GABBR2: variants seen among roughly 807,000 people sequenced by gnomAD.
The protein encoded by GABBR2 is gamma-aminobutyric acid type B receptor subunit 2.
Under a neutral mutation model 105.6 loss-of-function variants are expected in GABBR2, and 23 were observed. The ratio of observed to expected loss-of-function variants is 0.22; its 90% CI spans 0.16 to 0.31. The LOEUF is 0.31. Ranked by LOEUF, GABBR2 falls within the 10% of genes least tolerant of loss-of-function variation. The probability of loss-of-function intolerance (pLI) is 1.00; values close to 1 mark genes in which losing one functional copy is unlikely to be tolerated. For synonymous variants in GABBR2, 478 were observed against 499.7 expected, an observed-to-expected ratio of 0.96 and a Z score of 0.58; for missense variants, 734 against 1,245.5, an observed-to-expected ratio of 0.59 and a Z score of 6.18.
chr9:98,583,518 C>G lies in GABBR2; in HGVS notation c.322-5446G>C, dbSNP rs578065420. Among the ~76,000 whole-genome samples the G allele has an allele frequency of 7.2e-5, 11 of 152,292 alleles. No homozygotes were observed. The South Asian group carries it at 2.3e-3, about 32-fold the overall frequency. ...TTAAAGCAGGCTTCATTGCTAGCAG[C>G]AAAAATGTTTGAAAACCACCAATAT... On this transcript the variant is annotated intron_variant, in intron 1 of 18. Coordinates refer to ENST00000259455, the MANE Select transcript of GABBR2 (RefSeq NM_005458.8).
At chr9:98,484,903 C>T (rs1827010560) in intron 4 of GABBR2, among the ~76,000 whole-genome samples, 1 of 152,124 alleles carries the variant, frequency 6.6e-6, no homozygotes, top group Admixed American at 6.5e-5. Flanking sequence ...TAGCAGTAGC[C>T]CCTGCTTTCA....
intron 7 of GABBR2, among the ~76,000 whole-genome samples, chr9:98,444,879 G>GCGCGCGCACACACA (rs939018102): frequency 6.6e-6 from 1 of 150,932 alleles, no homozygotes; most frequent in Non-Finnish European, 1.5e-5. Context: ...GCGCGCGCGC[G>GCGCGCGCACACACA]CACACACACA....
intron 2 of GABBR2, among the ~76,000 whole-genome samples, chr9:98,552,403 T>C (rs1278693084): frequency 6.6e-6 from 1 of 152,156 alleles, no homozygotes; most frequent in Non-Finnish European, 1.5e-5. Context: ...CTGAGATGAA[T>C]GGAACGCAAC....
At chr9:98,585,679 A>C (rs964043122) in intron 1 of GABBR2, among the ~76,000 whole-genome samples, 4 of 152,142 alleles carry the variant, frequency 2.6e-5, no homozygotes, top group Admixed American at 6.5e-5. Flanking sequence ...TGTTAGGCAC[A>C]GTACTAAGAA....
At chr9:98,568,891 G>A (rs1828786352) in intron 2 of GABBR2, among the ~76,000 whole-genome samples, 1 of 152,124 alleles carries the variant, frequency 6.6e-6, no homozygotes, top group Admixed American at 6.5e-5. Context: ...TGACTGCACT[G>A]GGCATCTGAT....
intron 3 of GABBR2, among the ~76,000 whole-genome samples, chr9:98,505,447 TGTGTG>T (rs1827490285): frequency 1.3e-5 from 2 of 151,742 alleles, no homozygotes; most frequent in African/African-American, 2.4e-5. Context: ...TGTGTGTGTG[TGTGTG>T]TGTGTGCATG....
rs575335567 is a variant in GABBR2 at position 98,504,369 on chromosome 9, A to G, written c.631-7855T>C. Among the ~76,000 whole-genome samples, 68 of 152,326 alleles carry G rather than the reference A, an allele frequency of 4.5e-4. 3 individuals carry two copies. The South Asian group carries it at 0.014, about 31-fold the overall frequency. The stretch of plus-strand genomic sequence containing the variant: ...GTGGCTGGAGGCTGCAGAGAGCTCC[A>G]GAGATCTCAAGGCACTCAGCTTCTA... On this transcript the variant is annotated intron_variant, in intron 3 of 18. Coordinates refer to ENST00000259455, the MANE Select transcript of GABBR2 (RefSeq NM_005458.8).
intron 2 of GABBR2, among the ~76,000 whole-genome samples, chr9:98,564,975 G>T (rs1300063930): frequency 6.6e-6 from 1 of 152,186 alleles, no homozygotes; most frequent in Non-Finnish European, 1.5e-5. Flanking sequence ...AGCCGGGGAG[G>T]AGGGGGAGCA....
intron 7 of GABBR2, 112 bp from the exon 8 acceptor site, chr9:98,406,253 T>C (rs1215874827): frequency 1.7e-6 from 1 of 586,096 alleles, no homozygotes; most frequent in African/African-American, 2.0e-5. Context: ...TTATTAATAC[T>C]GGAGGAAAAA....
intron 7 of GABBR2, among the ~76,000 whole-genome samples, chr9:98,425,688 C>T (rs1354759288): frequency 6.6e-6 from 1 of 152,186 alleles, no homozygotes; most frequent in African/African-American, 2.4e-5. Context: ...AAAAATGAGG[C>T]TCAGACAGGT....
At chr9:98,559,536 T>A (rs149686305) in intron 2 of GABBR2, among the ~76,000 whole-genome samples, 1,660 of 152,330 alleles carry the variant, frequency 0.011, 15 homozygotes, top group Non-Finnish European at 0.015. Flanking sequence ...CACAAAGAGA[T>A]TTATTTATTC....
At chr9:98,576,062 C>A (rs1238974644) in intron 2 of GABBR2, among the ~76,000 whole-genome samples, 1 of 152,230 alleles carries the variant, frequency 6.6e-6, no homozygotes, top group Non-Finnish European at 1.5e-5. Context: ...CCGGGCCCCA[C>A]CTCTCTTTCA....
intron 2 of GABBR2, among the ~76,000 whole-genome samples, chr9:98,575,127 C>G (rs1244755492): frequency 6.6e-6 from 1 of 151,984 alleles, no homozygotes; most frequent in African/African-American, 2.4e-5. Flanking sequence ...GAGAGACAGG[C>G]AGAGTGGAGT....
At chr9:98,644,138 C>T (rs1414754673) in intron 1 of GABBR2, among the ~76,000 whole-genome samples, 1 of 152,192 alleles carries the variant, frequency 6.6e-6, no homozygotes, top group Non-Finnish European at 1.5e-5. Context: ...TTCACATTGC[C>T]CAACACACAG....
At chr9:98,659,123 C>T (rs1461603973) in intron 1 of GABBR2, among the ~76,000 whole-genome samples, 1 of 152,236 alleles carries the variant, frequency 6.6e-6, no homozygotes, top group African/African-American at 2.4e-5. Context: ...TGAAACAGAT[C>T]CTGTATATAT....
rs200465595 is a variant in GABBR2, at chr9:98,311,110, G to A, written c.1989C>T (p.Tyr663=). The A allele has an allele frequency of 3.0e-5, 48 of 1,595,584 alleles. No individual in the cohort carries two copies. Among genetic ancestry groups the A allele is most frequent in the Non-Finnish European group, 3.4e-6 (4 of 1,163,256 alleles). Residue 663 remains tyrosine, a synonymous_variant, in exon 14 of 19, where the codon TAC becomes TAT. Transcript: ENST00000259455. ...CTGCACCTACCATGAGAAGTCCCTT[G>A]TAGGCATAGACGATGCCAAGCCAGA... ...MTIWLGIVYA[Y]KGLLMLFGCF...
At chr9:98,439,480 T>C (rs988776608) in intron 7 of GABBR2, among the ~76,000 whole-genome samples, 9 of 152,200 alleles carry the variant, frequency 5.9e-5, no homozygotes, top group Admixed American at 5.2e-4. Context: ...CTAACATAAA[T>C]GTTAAATGAA....
rs768734483 is a variant in GABBR2 at position 98,708,397 on chromosome 9, A to G, written c.321+20T>C. The G allele has an allele frequency of 9.5e-6, 13 of 1,373,986 alleles. No individual in the cohort carries two copies. The African/African-American group carries it at 1.8e-4, about 19-fold the overall frequency. 85.1% of individuals were successfully genotyped at this position (1,373,986 alleles called of 1,614,324 possible). A position where few individuals can be genotyped will look rare whatever the true frequency, so the allele number is the denominator to read the frequency against. On this transcript the variant is annotated intron_variant, in intron 1 of 18. Coordinates refer to ENST00000259455, the MANE Select transcript of GABBR2 (RefSeq NM_005458.8). ...CAATGCCCCCCGAAGCCCCGACGGCAGGGGCAGCCGGACACTCACCTCCGT... is the reference window on the plus strand; with the variant it reads ...CAATGCCCCCCGAAGCCCCGACGGCGGGGGCAGCCGGACACTCACCTCCGT...
chr9:98,656,930 A>G (rs2131849863), intron 1 of GABBR2, among the ~76,000 whole-genome samples: 1 of 152,358 alleles, frequency 6.6e-6, no homozygotes, highest in South Asian at 2.1e-4. Flanking sequence ...AGCTGGCCCT[A>G]GATGCTGGAT....
Sources: gnomAD v4.1 joint callset for allele counts (sites outside exome capture counted in the v4.1 genomes callset) on GRCh38, gnomAD v4.1.1 for gene constraint, MANE v1.5 for transcripts, NCBI Gene and HGNC (gene_info 2026-07-23, HGNC 2026-07-21) for gene names.